Variants in TRRAP observed in about 807,000 individuals in gnomAD.
TRRAP encodes the protein transformation/transcription domain associated protein, also known as transformation/transcription domain-associated protein.
TRRAP carries 41 observed loss-of-function variants against 438.8 expected under a neutral mutation model. The observed-to-expected ratio is 0.09, with a 90% CI of 0.07 to 0.12. The LOEUF (loss-of-function observed/expected upper bound fraction) is 0.12, where lower values mean the gene tolerates loss of function less well. Ranked by LOEUF, TRRAP falls within the 10% of genes least tolerant of loss-of-function variation. The probability of loss-of-function intolerance (pLI) is 1.00; values close to 1 mark genes in which losing one functional copy is unlikely to be tolerated. For missense variants in TRRAP, 3,122 were observed against 5,055.1 expected (o/e 0.62, Z 11.60); for synonymous variants, 1,994 against 1,962.9 (o/e 1.02, Z -0.42).
In TRRAP at chr7:99,001,314, C is replaced by T. The variant is rs114306871; in HGVS notation, c.10310-2876C>T. Among the ~76,000 whole-genome samples, 772 of 152,310 alleles carry T rather than the reference C, an allele frequency of 5.1e-3. 5 individuals carry two copies. Among genetic ancestry groups the T allele is most frequent in the African/African-American group, 0.018 (743 of 41,556 alleles). On this transcript the variant is annotated intron_variant, in intron 67 of 72. Coordinates refer to ENST00000456197, the MANE Select transcript of TRRAP (RefSeq NM_001375524.1). ...GCAAGCCCGGTCCTCCCCGTCTATA[C>T]GTGAAGCGCTTTCATCTCCTCAGGC...
chr7:98,894,887 C>T (rs549173775), intron 6 of TRRAP, among the ~76,000 whole-genome samples: 2 of 149,980 alleles, frequency 1.3e-5, no homozygotes, highest in East Asian at 2.0e-4. Flanking sequence ...CCGCCTGCCT[C>T]AGCCTCCCAA....
Position 98,950,056 on chromosome 7 carries a change from C to A in TRRAP, c.5136-8C>A. The A allele has an allele frequency of 6.2e-7, 1 of 1,613,840 alleles. No homozygotes were observed. Among genetic ancestry groups the A allele is most frequent in the Non-Finnish European group, 8.5e-7 (1 of 1,179,936 alleles). ...AAGTTAACCTGTCTTCTTCTTTTGA[C>A]CCTCCAGAAGGAATTACGGAGATAT... On this transcript the variant is annotated splice_polypyrimidine_tract_variant and splice_region_variant and intron_variant, in intron 37 of 72. Transcript: ENST00000456197.
chr7:98,886,352 CTATATAGATAGAGATAGATATAGA>C (rs1562924953), intron 3 of TRRAP, among the ~76,000 whole-genome samples: 1 of 148,822 alleles, frequency 6.7e-6, no homozygotes, highest in African/African-American at 2.5e-5. Context: ...ATATAGATAT[CTATATAGATAGAGATAGATATAGA>C]TATCTAGAGA....
chr7:98,898,474 T>C (rs1293097855), intron 8 of TRRAP, among the ~76,000 whole-genome samples: 2 of 152,272 alleles, frequency 1.3e-5, no homozygotes, highest in Non-Finnish European at 2.9e-5. Flanking sequence ...ATTATCCATG[T>C]TTGTTTTTCT....
chr7:98,967,036 TAC>T lies in TRRAP; in HGVS notation c.7177-3_7177-2del. ...TAACTGCGTCTTTTCTCAAATTTCA[TAC>T]AGACACCTACACTCCGGGAGAAGTC... On this transcript the variant is annotated splice_region_variant and splice_polypyrimidine_tract_variant and intron_variant, in intron 49 of 72. Coordinates refer to ENST00000456197, the MANE Select transcript of TRRAP (RefSeq NM_001375524.1). The T allele has an allele frequency of 6.3e-7, 1 of 1,599,572 alleles. No individual in the cohort carries two copies. The highest frequency in any genetic ancestry group is 8.5e-7 in the Non-Finnish European group (1 of 1,174,820).
At chr7:98,951,971 G>C (rs1791356144) in intron 39 of TRRAP, among the ~76,000 whole-genome samples, 1 of 152,186 alleles carries the variant, frequency 6.6e-6, no homozygotes, top group Admixed American at 6.5e-5. Flanking sequence ...TGAACGTCAG[G>C]ATGAGGAGAA....
chr7:98,995,041 G>C (rs956106229), intron 67 of TRRAP, among the ~76,000 whole-genome samples, 193 bp downstream of exon 67: 3 of 152,248 alleles, frequency 2.0e-5, no homozygotes, highest in Admixed American at 6.5e-5. Context: ...GAGGGGTCAA[G>C]GTTTGGAGCA....
intron 67 of TRRAP, among the ~76,000 whole-genome samples, chr7:98,996,982 C>T (rs1363764400): frequency 1.3e-5 from 2 of 151,686 alleles, no homozygotes; most frequent in South Asian, 2.1e-4. Context: ...AAAAAGGATT[C>T]CTCAATTTTC....
intron 47 of TRRAP, among the ~76,000 whole-genome samples, chr7:98,964,393 A>C (rs547799320): frequency 1.3e-5 from 2 of 152,226 alleles, no homozygotes; most frequent in Non-Finnish European, 1.5e-5. Context: ...CGTTGTTTCT[A>C]CTGAAGCACA....
At chr7:98,978,390 C>G in intron 57 of TRRAP, 67 bp downstream of exon 57, 1 of 1,417,230 alleles carries the variant, frequency 7.1e-7, no homozygotes. Flanking sequence ...AATCTCTGAC[C>G]TTTTCTTGTA....
At chr7:98,893,583 C>A (rs1486979480) in intron 5 of TRRAP, among the ~76,000 whole-genome samples, 1 of 152,216 alleles carries the variant, frequency 6.6e-6, no homozygotes, top group South Asian at 2.1e-4. Flanking sequence ...AGTGAAGCCC[C>A]TGTCCAGGTT....
chr7:98,933,959 G>T (rs1239628956), intron 27 of TRRAP, among the ~76,000 whole-genome samples: 1 of 152,236 alleles, frequency 6.6e-6, no homozygotes, highest in East Asian at 1.9e-4. Context: ...AGCCAGGACT[G>T]TTATTTAGAG....
intron 30 of TRRAP, among the ~76,000 whole-genome samples, chr7:98,942,218 A>G (rs1475164809): frequency 1.3e-5 from 2 of 152,150 alleles, no homozygotes; most frequent in Admixed American, 6.5e-5. Context: ...CATGGCCCTC[A>G]TTCTGCAGAG....
At chr7:99,000,257 C>T (rs1220303498) in intron 67 of TRRAP, among the ~76,000 whole-genome samples, 1 of 152,178 alleles carries the variant, frequency 6.6e-6, no homozygotes, top group African/African-American at 2.4e-5. Flanking sequence ...GATCCACCCA[C>T]TTCGACCTCC....
At chr7:98,889,173 G>T (rs1554404429) in intron 3 of TRRAP, among the ~76,000 whole-genome samples, 1 of 150,980 alleles carries the variant, frequency 6.6e-6, no homozygotes, top group Non-Finnish European at 1.5e-5. Context: ...CAGCTAGTGT[G>T]CCCATTTTCA....
chr7:98,885,593 A>C (rs1218846993), intron 3 of TRRAP, among the ~76,000 whole-genome samples: 4 of 152,124 alleles, frequency 2.6e-5, no homozygotes, highest in African/African-American at 9.7e-5. Flanking sequence ...GAGCTAGAAA[A>C]AAAACTTGAG....
chr7:98,926,805 A>G (rs1334131510), intron 22 of TRRAP, among the ~76,000 whole-genome samples: 4 of 151,914 alleles, frequency 2.6e-5, no homozygotes, highest in African/African-American at 7.3e-5. Flanking sequence ...TCAGGAGTTC[A>G]AGACCATCGA....
At chr7:98,895,446 A>G (rs921355920) in intron 6 of TRRAP, among the ~76,000 whole-genome samples, 3 of 152,232 alleles carry the variant, frequency 2.0e-5, no homozygotes, top group South Asian at 2.1e-4. Context: ...CCCACAGTAT[A>G]TGAGAGTCTT....
chr7:98,981,760 C>G lies in TRRAP; in HGVS notation c.8635-9C>G. On this transcript the variant is annotated splice_polypyrimidine_tract_variant and intron_variant, in intron 58 of 72. Transcript: ENST00000456197. Reference sequence around the variant, plus strand: ...CCTCACGTCCTGTGTCACGTTCTTTCACTGCCAGGTGGAAGTGAGCTGTCC... The same window carrying G: ...CCTCACGTCCTGTGTCACGTTCTTTGACTGCCAGGTGGAAGTGAGCTGTCC... 6.3e-7 allele frequency: 1 copy of G among 1,595,176 alleles called. No individual in the cohort carries two copies. The highest frequency in any genetic ancestry group is 1.1e-5 in the South Asian group (1 of 87,464).
Sources: gnomAD v4.1 joint callset for allele counts (sites outside exome capture counted in the v4.1 genomes callset) on GRCh38, gnomAD v4.1.1 for gene constraint, MANE v1.5 for transcripts, NCBI Gene and HGNC (gene_info 2026-07-23, HGNC 2026-07-21) for gene names.